MARCHF1: variants seen among roughly 807,000 people sequenced by gnomAD.
MARCHF1 encodes E3 ubiquitin-protein ligase MARCHF1.
A neutral mutation model predicts 54.2 loss-of-function variants in MARCHF1; 40 were observed. The ratio of observed to expected loss-of-function variants is 0.74; its 90% confidence interval spans 0.57 to 0.96. The LOEUF is 0.96. Ranked by LOEUF, MARCHF1 falls within the 40% of genes least tolerant of loss-of-function variation. The pLI is 0.00. For synonymous variants in MARCHF1, 236 were observed against 236.3 expected (o/e 1.00, Z 0.01); for missense variants, 586 against 656.5 (o/e 0.89, Z 1.17).
In MARCHF1 at chr4:164,360,537, T is replaced by C. The variant is rs1730694178; in HGVS notation, c.-323+23333A>G. Among the ~76,000 whole-genome samples the C allele has an allele frequency of 2.0e-5, 3 of 152,186 alleles. No individual in the cohort carries two copies. In the South Asian group the frequency reaches 6.2e-4, roughly 31 times the overall value. On this transcript the variant is annotated intron_variant, in intron 1 of 9. Transcript: ENST00000514618. ...GAATATGTTTTATTCCAACAGTGTT[T>C]TATGAAGTTGTAGTTCAGTGTACAT...
intron 3 of MARCHF1, among the ~76,000 whole-genome samples, chr4:163,860,415 C>T (rs537582565): frequency 5.9e-5 from 9 of 152,048 alleles, no homozygotes; most frequent in Non-Finnish European, 8.8e-5. Flanking sequence ...AAGCAAACAC[C>T]GTGAAATACC....
chr4:163,998,298 T>G, intron 2 of MARCHF1, among the ~76,000 whole-genome samples: 1 of 151,434 alleles, frequency 6.6e-6, no homozygotes, highest in Non-Finnish European at 1.5e-5. Context: ...TTAAAAACTT[T>G]AAACAATATT....
intron 3 of MARCHF1, among the ~76,000 whole-genome samples, chr4:163,965,256 C>T (rs760893568): frequency 7.2e-5 from 11 of 151,890 alleles, no homozygotes; most frequent in South Asian, 2.1e-4. Flanking sequence ...TCCATTCAAA[C>T]GTGGGAAGGA....
chr4:163,828,013 AT>A (rs1308388086), intron 4 of MARCHF1, among the ~76,000 whole-genome samples: 1 of 69,844 alleles, frequency 1.4e-5, no homozygotes, highest in Non-Finnish European at 2.9e-5. Flanking sequence ...GTGCGCAGGC[AT>A]ACACACACAC....
At chr4:164,297,633 G>C (rs1734445483) in intron 1 of MARCHF1, among the ~76,000 whole-genome samples, 1 of 151,812 alleles carries the variant, frequency 6.6e-6, no homozygotes, top group African/African-American at 2.4e-5. Context: ...TTAGAAAAAG[G>C]GTATTAGTGA....
intron 5 of MARCHF1, among the ~76,000 whole-genome samples, chr4:163,677,178 A>T (rs1286979100): frequency 1.3e-5 from 2 of 152,232 alleles, no homozygotes; most frequent in Non-Finnish European, 2.9e-5. Context: ...CAAGCAGACA[A>T]AAAATAAGCA....
rs770802866 is a variant in MARCHF1, at chr4:163,700,806, C to T, written c.162+7G>A. On this transcript the variant is annotated splice_region_variant and intron_variant, in intron 5 of 9. Coordinates refer to ENST00000514618, the MANE Select transcript of MARCHF1 (RefSeq NM_001394959.1). Reference sequence around the variant, plus strand: ...TCAACAAACAAGAAAATGAGTACTTCACCTACTTTTGAAATGTTACTTGAT... The same window carrying T: ...TCAACAAACAAGAAAATGAGTACTTTACCTACTTTTGAAATGTTACTTGAT... 14 of 1,534,964 alleles carry T rather than the reference C, an allele frequency of 9.1e-6. No homozygotes were observed. Among genetic ancestry groups the T allele is most frequent in the Non-Finnish European group, 1.1e-5 (13 of 1,145,162 alleles).
chr4:164,194,433 A>G (rs1731199242), intron 1 of MARCHF1, among the ~76,000 whole-genome samples: 1 of 152,216 alleles, frequency 6.6e-6, no homozygotes, highest in Non-Finnish European at 1.5e-5. Context: ...AATGGAAAAC[A>G]TCCCATTTCA....
chr4:163,716,353 C>A (rs1475360242), intron 4 of MARCHF1, among the ~76,000 whole-genome samples: 3 of 152,092 alleles, frequency 2.0e-5, no homozygotes, highest in Admixed American at 6.5e-5. Flanking sequence ...TTGCAAATTG[C>A]CTCCTGAGTA....
chr4:164,067,639 C>G (rs1422197324), intron 2 of MARCHF1, among the ~76,000 whole-genome samples: 2 of 152,008 alleles, frequency 1.3e-5, no homozygotes, highest in African/African-American at 2.4e-5. Context: ...TAGAAGAAAC[C>G]TAGGAAATAC....
At chr4:163,841,698 T>C (rs140460415) in intron 4 of MARCHF1, among the ~76,000 whole-genome samples, 317 of 152,244 alleles carry the variant, frequency 2.1e-3, no homozygotes, top group African/African-American at 7.1e-3. Flanking sequence ...AGATAACCAG[T>C]TCTTGTTTGC....
At chr4:164,228,673 A>G (rs1390620027) in intron 1 of MARCHF1, among the ~76,000 whole-genome samples, 1 of 152,220 alleles carries the variant, frequency 6.6e-6, no homozygotes, top group East Asian at 1.9e-4. Flanking sequence ...TTTACCCTCA[A>G]ATATTAAATT....
intron 4 of MARCHF1, among the ~76,000 whole-genome samples, chr4:163,828,018 C>CAT (rs1263177169): frequency 3.5e-5 from 1 of 28,932 alleles, no homozygotes; most frequent in Admixed American, 3.8e-4. Context: ...CAGGCATACA[C>CAT]ACACACACAC....
At chr4:164,197,045 C>G in intron 1 of MARCHF1, 1 of 1,605,768 alleles carries the variant, frequency 6.2e-7, no homozygotes, top group Non-Finnish European at 8.5e-7. Flanking sequence ...TCACCAAGCT[C>G]TTCTTCATCT....
intron 2 of MARCHF1, among the ~76,000 whole-genome samples, chr4:164,110,662 T>C (rs984079302): frequency 6.6e-6 from 1 of 150,914 alleles, no homozygotes; most frequent in African/African-American, 2.4e-5. Context: ...TATGAGGCGA[T>C]ACAATCATAT....
In MARCHF1 at chr4:164,351,791, C is replaced by T. The variant is rs541741020; in HGVS notation, c.-323+32079G>A. ...ACTTTGATGAGCTGAGAGAAGAAGG[C>T]TTCAGACGATCAAATTACTCTGAGC... On this transcript the variant is annotated intron_variant, in intron 1 of 9. Transcript: ENST00000514618. 1.7e-4 allele frequency among the ~76,000 whole-genome samples: 26 copies of T among 152,068 alleles called. No homozygotes were observed. In the South Asian group the frequency reaches 3.9e-3, roughly 23 times the overall value.
rs188546421 is a variant in MARCHF1 at position 164,057,547 on chromosome 4, G to T, written c.-248+54041C>A. ...TCCATGAAAGCTGCCCCAGAACGGT[G>T]GCAGATTTTTTTTCTCATTTGTCTT... On this transcript the variant is annotated intron_variant, in intron 2 of 9. Transcript: ENST00000514618. Among the ~76,000 whole-genome samples, 103 of 152,232 alleles carry T rather than the reference G, an allele frequency of 6.8e-4. 1 individual carries two copies. The highest frequency in any genetic ancestry group is 1.2e-3 in the Non-Finnish European group (80 of 68,022).
chr4:163,674,515 G>C (rs957163012), intron 5 of MARCHF1, among the ~76,000 whole-genome samples: 17 of 152,120 alleles, frequency 1.1e-4, no homozygotes, highest in African/African-American at 4.1e-4. Flanking sequence ...AAGTGAAAAG[G>C]ACCGATGAGT....
At chr4:164,325,619 T>A (rs1735256174) in intron 1 of MARCHF1, among the ~76,000 whole-genome samples, 1 of 151,746 alleles carries the variant, frequency 6.6e-6, no homozygotes, top group African/African-American at 2.4e-5. Flanking sequence ...ACCTTAGTGA[T>A]TCGAGAGGCT....
Sources: allele counts gnomAD v4.1 joint callset (sites outside exome capture counted in the v4.1 genomes callset), GRCh38; gene constraint gnomAD v4.1.1; transcripts MANE v1.5; gene names NCBI Gene and HGNC (gene_info 2026-07-23, HGNC 2026-07-21).